The following HPSE2 variants were observed in gnomAD, a reference collection of about 807,000 sequenced individuals.
HPSE2 encodes inactive heparanase-2.
Under a neutral mutation model 60.5 loss-of-function variants are expected in HPSE2, and 38 were observed. The observed-to-expected ratio is 0.63, with a 90% CI of 0.48 to 0.82. The LOEUF is 0.82. HPSE2 is among the 40% of genes least tolerant of loss of function. HPSE2 has a pLI of 0.00. For synonymous variants in HPSE2, 295 were observed against 293.2 expected (o/e 1.01, Z -0.06); for missense variants, 713 against 740.4 (o/e 0.96, Z 0.43).
intron 6 of HPSE2, among the ~76,000 whole-genome samples, chr10:98,678,310 A>T (rs1947698697): frequency 6.6e-6 from 1 of 152,168 alleles, no homozygotes; most frequent in African/African-American, 2.4e-5. Context: ...AATGCCAAAA[A>T]ATGTGATGAT....
At chr10:99,071,718 T>C (rs1842795983) in intron 3 of HPSE2, among the ~76,000 whole-genome samples, 2 of 152,270 alleles carry the variant, frequency 1.3e-5, no homozygotes, top group South Asian at 4.1e-4. Flanking sequence ...TTTAAATCTT[T>C]AATCTACTTT....
At chr10:98,542,247 A>G (rs966036494) in intron 9 of HPSE2, among the ~76,000 whole-genome samples, 5 of 152,206 alleles carry the variant, frequency 3.3e-5, no homozygotes, top group Admixed American at 3.3e-4. Context: ...GCAAACTCCA[A>G]CAGACCTGCA....
intron 3 of HPSE2, among the ~76,000 whole-genome samples, chr10:99,117,710 T>C (rs1844767187): frequency 1.3e-5 from 2 of 151,878 alleles, no homozygotes; most frequent in Admixed American, 6.6e-5. Context: ...GCTCTGAAAT[T>C]GAAACAGTAA....
rs753039198 is a variant in HPSE2, at chr10:98,721,814, G to A, written c.799C>T (p.Arg267Trp). Residue 267 changes from arginine (R) to tryptophan (W), a missense_variant, in exon 5 of 12, where the codon CGG becomes TGG. Physicochemically the swap from Arg to Trp is moderately radical, Grantham distance 101 (BLOSUM62 -3). Transcript: ENST00000370552. ...WELGNEPNNY[R>W]TMHGRAVNGS... ...TTTACTGCCCGGCCATGCATGGTCC[G>A]ATAGTTATTTGGCTCTAGATTAAAA... 18 of 1,613,088 alleles carry A rather than the reference G, an allele frequency of 1.1e-5. No homozygotes were observed. Among genetic ancestry groups the A allele is most frequent in the Middle Eastern group, 1.6e-4 (1 of 6,074 alleles).
chr10:98,829,508 G>A (rs916230791), intron 3 of HPSE2, among the ~76,000 whole-genome samples: 8 of 151,652 alleles, frequency 5.3e-5, no homozygotes, highest in Non-Finnish European at 1.2e-4. Flanking sequence ...GCGACACAGT[G>A]AGACTCCATC....
chr10:99,276,103 C>T, the HPSE2 span, among the ~76,000 whole-genome samples: 2 of 152,166 alleles, frequency 1.3e-5, no homozygotes, highest in Admixed American at 6.5e-5. Flanking sequence ...CATAGTGCTT[C>T]GCCTGTAGTA....
chr10:99,293,032 T>C, the HPSE2 span, among the ~76,000 whole-genome samples: 2 of 152,194 alleles, frequency 1.3e-5, no homozygotes, highest in Non-Finnish European at 2.9e-5. Flanking sequence ...TCTACTTTGC[T>C]GGCTAAAGCA....
intron 9 of HPSE2, among the ~76,000 whole-genome samples, chr10:98,580,716 G>C (rs1170069163): frequency 6.6e-6 from 1 of 151,500 alleles, no homozygotes; most frequent in African/African-American, 2.4e-5. Flanking sequence ...TGGCTATTAG[G>C]CTATTCACTG....
intron 9 of HPSE2, among the ~76,000 whole-genome samples, chr10:98,612,712 A>T (rs75627085): frequency 0.011 from 1,738 of 152,344 alleles, 39 homozygotes; most frequent in African/African-American, 0.039. Flanking sequence ...ATGAAAGTGA[A>T]CTGTACATTG....
chr10:98,461,825 G>A, intron 11 of HPSE2: 1 of 1,591,716 alleles, frequency 6.3e-7, no homozygotes, highest in Non-Finnish European at 8.6e-7. Flanking sequence ...GGGTTCTGGG[G>A]AGTGCAAAAC....
chr10:99,277,369 C>A, the HPSE2 span, among the ~76,000 whole-genome samples: 1 of 152,162 alleles, frequency 6.6e-6, no homozygotes, highest in Non-Finnish European at 1.5e-5. Flanking sequence ...TTAGAACCAA[C>A]AAGTAAAAAG....
At chr10:98,954,646 T>C (rs1226701177) in intron 3 of HPSE2, among the ~76,000 whole-genome samples, 3 of 152,164 alleles carry the variant, frequency 2.0e-5, no homozygotes, top group Non-Finnish European at 4.4e-5. Flanking sequence ...CCTTTCGGCA[T>C]CACGTAGCCA....
chr10:98,868,072 A>C (rs1023564894), intron 3 of HPSE2, among the ~76,000 whole-genome samples: 8 of 116,548 alleles, frequency 6.9e-5, no homozygotes, highest in African/African-American at 2.3e-4. Flanking sequence ...AAAAAAAGAA[A>C]GAAAGAAAAT....
At chr10:98,778,600 G>C (rs1052068420) in intron 3 of HPSE2, among the ~76,000 whole-genome samples, 2 of 152,088 alleles carry the variant, frequency 1.3e-5, no homozygotes, top group African/African-American at 2.4e-5. Flanking sequence ...AAACTGTCAA[G>C]GGTGACTGAG....
chr10:98,465,226 T>G (rs1940475801), intron 11 of HPSE2, among the ~76,000 whole-genome samples: 1 of 152,266 alleles, frequency 6.6e-6, no homozygotes, highest in African/African-American at 2.4e-5. Context: ...ATCACATTAA[T>G]GATAAAATTC....
chr10:98,576,319 C>T (rs1944639043), intron 9 of HPSE2, among the ~76,000 whole-genome samples: 1 of 151,630 alleles, frequency 6.6e-6, no homozygotes, highest in Admixed American at 6.6e-5. Context: ...ATCTTTGAGG[C>T]CACTCACCCA....
intron 3 of HPSE2, among the ~76,000 whole-genome samples, chr10:99,035,410 C>A (rs909882093): frequency 6.6e-6 from 1 of 152,158 alleles, no homozygotes; most frequent in African/African-American, 2.4e-5. Context: ...GGCAATAATG[C>A]ATGGAGCTGT....
intron 2 of HPSE2, among the ~76,000 whole-genome samples, chr10:99,231,322 A>G (rs772402319): frequency 9.2e-5 from 14 of 152,208 alleles, no homozygotes; most frequent in Admixed American, 7.9e-4. Flanking sequence ...TGAGCCCTTT[A>G]CATATAAAAC....
At chr10:99,010,317 A>AT (rs1205259770) in intron 3 of HPSE2, among the ~76,000 whole-genome samples, 5 of 152,218 alleles carry the variant, frequency 3.3e-5, no homozygotes, top group Non-Finnish European at 7.3e-5. Flanking sequence ...TGACCATGAA[A>AT]TCAGCCTGTT....
Sources: gnomAD v4.1 joint callset for allele counts (sites outside exome capture counted in the v4.1 genomes callset) on GRCh38, gnomAD v4.1.1 for gene constraint, MANE v1.5 for transcripts, NCBI Gene and HGNC (gene_info 2026-07-23, HGNC 2026-07-21) for gene names.